The following RAB3GAP1 variants were observed in gnomAD, a reference collection of about 807,000 sequenced individuals.
The protein encoded by RAB3GAP1 is rab3 GTPase-activating protein catalytic subunit.
RAB3GAP1 carries 86 observed loss-of-function variants against 130.7 expected under a neutral mutation model. The observed-to-expected ratio is 0.66, with a 90% CI of 0.55 to 0.79. The LOEUF (loss-of-function observed/expected upper bound fraction) is 0.79, where lower values mean the gene tolerates loss of function less well. RAB3GAP1 is among the 30% of genes least tolerant of loss of function. The pLI is 0.00. For missense variants in RAB3GAP1, 1,029 were observed against 1,169.4 expected (o/e 0.88, Z 1.75); for synonymous variants, 367 against 401.7 (o/e 0.91, Z 1.03).
At chr2:135,097,891 C>T (rs866131349) in intron 5 of RAB3GAP1, among the ~76,000 whole-genome samples, 1 of 152,090 alleles carries the variant, frequency 6.6e-6, no homozygotes, top group Non-Finnish European at 1.5e-5. Context: ...TCAGTTCACT[C>T]GGGTAGATAC....
chr2:135,138,281 C>A lies in RAB3GAP1; in HGVS notation c.1923+2349C>A, dbSNP rs1191592271. 7.1e-3 allele frequency among the ~76,000 whole-genome samples: 758 copies of A among 107,322 alleles called. 8 individuals are homozygous for A. Among genetic ancestry groups the A allele is most frequent in the African/African-American group, 0.021 (653 of 30,988 alleles). The allele number at this position is 107,322 out of a possible 152,430, so 70.4% of individuals were successfully genotyped here. A position where few individuals can be genotyped will look rare whatever the true frequency, so the allele number is the denominator to read the frequency against. ...GCAACATGGTAAACCCTATTTCTAC[C>A]AAAAAAAAAAAAAAAAAAATTAGCC... On this transcript the variant is annotated intron_variant, in intron 17 of 23. Transcript: ENST00000264158.
chr2:135,087,934 C>T (rs1690032867), intron 3 of RAB3GAP1, among the ~76,000 whole-genome samples: 1 of 152,164 alleles, frequency 6.6e-6, no homozygotes, highest in African/African-American at 2.4e-5. Context: ...TTTCGGTTCG[C>T]ATAGCAGATA....
At chr2:135,175,425 GGCAGGAACCCA>G (rs1258752285), downstream of RAB3GAP1, 2 of 152,222 alleles carry the variant, frequency 1.3e-5, no homozygotes, top group Admixed American at 1.3e-4. Flanking sequence ...GGAAGCTGCT[GGCAGGAACCCA>G]GCAAGGATCC....
Position 135,151,205 on chromosome 2 carries a change from C to T in RAB3GAP1, c.2061+699C>T, listed in dbSNP as rs753438942. 5.9e-5 allele frequency among the ~76,000 whole-genome samples: 9 copies of T among 152,320 alleles called. 1 individual carries two copies. The highest frequency in any genetic ancestry group is 3.3e-4 in the Admixed American group (5 of 15,298). ...ATTTTTGAAAGCAAAGGCAAGTCCA[C>T]GTATATGTTAAAACCCCAAGTGGGT... On this transcript the variant is annotated intron_variant, in intron 18 of 23. Coordinates refer to ENST00000264158, the MANE Select transcript of RAB3GAP1 (RefSeq NM_012233.3).
chr2:135,092,545 T>C (rs1690174402), intron 4 of RAB3GAP1, among the ~76,000 whole-genome samples: 1 of 152,194 alleles, frequency 6.6e-6, no homozygotes, highest in South Asian at 2.1e-4. Context: ...CAAGCAAATC[T>C]CCTGCCTCAG....
At chr2:135,095,031 T>TA (rs1366829187) in intron 5 of RAB3GAP1, among the ~76,000 whole-genome samples, 1 of 152,170 alleles carries the variant, frequency 6.6e-6, no homozygotes, top group Non-Finnish European at 1.5e-5. Context: ...CCCTTCAGTA[T>TA]ACTGATTTCC....
At chr2:135,150,018 C>G (rs916267147) in intron 17 of RAB3GAP1, among the ~76,000 whole-genome samples, 2 of 152,080 alleles carry the variant, frequency 1.3e-5, no homozygotes, top group Admixed American at 6.5e-5. Flanking sequence ...AATTTTGTTG[C>G]AGCTAGTGAT....
chr2:135,165,251 C>A, intron 23 of RAB3GAP1: 1 of 420,908 alleles, frequency 2.4e-6, no homozygotes, highest in Non-Finnish European at 4.6e-6. Flanking sequence ...ATAACCATTA[C>A]CTCTAGTAGT....
chr2:135,161,172 T>C (rs1692455614), intron 19 of RAB3GAP1, among the ~76,000 whole-genome samples: 1 of 152,232 alleles, frequency 6.6e-6, no homozygotes, highest in African/African-American at 2.4e-5. Flanking sequence ...TGTTGTACAT[T>C]TCCTAGTTCA....
At chr2:135,086,686 T>C (rs887628345) in intron 3 of RAB3GAP1, among the ~76,000 whole-genome samples, 10 of 126,750 alleles carry the variant, frequency 7.9e-5, no homozygotes, top group East Asian at 2.3e-4. Context: ...TTTTTTTTTT[T>C]CCTTAGAGAT....
chr2:135,166,712 C>T (rs955066862), intron 23 of RAB3GAP1, among the ~76,000 whole-genome samples: 2 of 151,902 alleles, frequency 1.3e-5, no homozygotes, highest in Non-Finnish European at 2.9e-5. Context: ...GATTTAACAT[C>T]TAGTATATAC....
At chr2:135,131,724 G>T (rs1691551801) in intron 13 of RAB3GAP1, among the ~76,000 whole-genome samples, 1 of 152,220 alleles carries the variant, frequency 6.6e-6, no homozygotes. Context: ...AGTCACTTCA[G>T]TTTCCTCATC....
At chr2:135,154,068 A>G (rs755225593) in intron 19 of RAB3GAP1, among the ~76,000 whole-genome samples, 192 bp downstream of exon 19, 7 of 152,214 alleles carry the variant, frequency 4.6e-5, no homozygotes. Context: ...AATAATAGGC[A>G]TGCATAGTTT....
At chr2:135,101,932 A>G (rs1459906655) in intron 5 of RAB3GAP1, among the ~76,000 whole-genome samples, 1 of 152,186 alleles carries the variant, frequency 6.6e-6, no homozygotes. Context: ...GCAAACATTT[A>G]TGTCCAAATG....
intron 9 of RAB3GAP1, among the ~76,000 whole-genome samples, chr2:135,124,843 G>A (rs556545094): frequency 1.3e-5 from 2 of 151,760 alleles, no homozygotes; most frequent in East Asian, 3.9e-4. Context: ...TAAAGGTTAT[G>A]AAAGAAAAAA....
rs760970469 is a variant in RAB3GAP1 at position 135,093,599 on chromosome 2, T to G, written c.284-16T>G. The stretch of plus-strand genomic sequence containing the variant: ...CATGAACATACTAACTTTTTCATTA[T>G]CAAATGTTTTTGTAGATGTTGTTCC... On this transcript the variant is annotated splice_polypyrimidine_tract_variant and intron_variant, in intron 4 of 23. Transcript: ENST00000264158. 3.8e-6 allele frequency: 6 copies of G among 1,599,708 alleles called. No homozygotes were observed. The highest frequency in any genetic ancestry group is 4.3e-6 in the Non-Finnish European group (5 of 1,166,810).
chr2:135,053,690 C>T (rs1688939112), intron 2 of RAB3GAP1, among the ~76,000 whole-genome samples: 1 of 152,152 alleles, frequency 6.6e-6, no homozygotes, highest in Non-Finnish European at 1.5e-5. Context: ...GGCAAGACTT[C>T]ATTGAGTAGG....
chr2:135,108,304 A>C (rs544095722), intron 5 of RAB3GAP1, among the ~76,000 whole-genome samples: 1 of 152,248 alleles, frequency 6.6e-6, no homozygotes, highest in Admixed American at 6.5e-5. Context: ...GTGTTGATAC[A>C]TTTGATCTCC....
In RAB3GAP1 at chr2:135,126,668, T is replaced by C; in HGVS notation, c.973+12T>C. On this transcript the variant is annotated intron_variant, in intron 11 of 23. Transcript: ENST00000264158. ...TCAGTGTTTGCTAGGTAAGGTATATTATGCTCCTTTCCTGAAATACTGCTG... is the reference window on the plus strand; with the variant it reads ...TCAGTGTTTGCTAGGTAAGGTATATCATGCTCCTTTCCTGAAATACTGCTG... 1 of 1,594,582 alleles carries C rather than the reference T, an allele frequency of 6.3e-7. No homozygotes were observed. The highest frequency in any genetic ancestry group is 8.6e-7 in the Non-Finnish European group (1 of 1,162,310).
Sources: gnomAD v4.1 joint callset for allele counts (sites outside exome capture counted in the v4.1 genomes callset) on GRCh38, gnomAD v4.1.1 for gene constraint, MANE v1.5 for transcripts, NCBI Gene and HGNC (gene_info 2026-07-23, HGNC 2026-07-21) for gene names.